CFAP20DC: variants seen among roughly 807,000 people sequenced by gnomAD.
CFAP20DC encodes the protein protein CFAP20DC.
Under a neutral mutation model 101.7 loss-of-function variants are expected in CFAP20DC, and 84 were observed. That is an observed-to-expected ratio of 0.83 (90% CI 0.69 to 0.99). CFAP20DC has a LOEUF of 0.99. CFAP20DC is among the 50% of genes least tolerant of loss of function. The pLI is 0.00. For missense variants in CFAP20DC, 1,007 were observed against 970.3 expected, an observed-to-expected ratio of 1.04 and a Z score of -0.50; for synonymous variants, 359 against 351.2, an observed-to-expected ratio of 1.02 and a Z score of -0.25.
intron 5 of CFAP20DC, 41 bp downstream of exon 5, chr3:58,937,602 GTTGAA>G: frequency 6.1e-6 from 7 of 1,148,520 alleles, no homozygotes; most frequent in Non-Finnish European, 9.3e-6. Context: ...AGTAATATTT[GTTGAA>G]TTGAATTTAA....
Position 58,788,409 on chromosome 3 carries a change from G to A in CFAP20DC, c.2237+17986C>T, listed in dbSNP as rs945809944. Among the ~76,000 whole-genome samples, 5 of 152,102 alleles carry A rather than the reference G, an allele frequency of 3.3e-5. No individual in the cohort carries two copies. The highest frequency in any genetic ancestry group is 2.1e-4 in the South Asian group (1 of 4,814). On this transcript the variant is annotated intron_variant, in intron 15 of 16. Coordinates refer to ENST00000482387, the MANE Select transcript of CFAP20DC (RefSeq NM_001394063.1). The surrounding 1 kb of genome is among the most constrained non-coding windows in gnomAD (Gnocchi z 4.2). ...TTTTTGAGCTTCTAATGTGGACAGC[G>A]CTGTATGAGAAGTAATGGGGAGCAA... is the stretch of plus-strand genomic sequence containing the variant.
intron 4 of CFAP20DC, among the ~76,000 whole-genome samples, chr3:58,941,017 T>C (rs1373138955): frequency 2.0e-5 from 3 of 152,176 alleles, no homozygotes; most frequent in South Asian, 2.1e-4. Flanking sequence ...TCTGACACAA[T>C]TGAAAATGAA....
intron 5 of CFAP20DC, among the ~76,000 whole-genome samples, chr3:58,933,490 C>A (rs1290989458): frequency 6.6e-6 from 1 of 152,228 alleles, no homozygotes; most frequent in Non-Finnish European, 1.5e-5. Flanking sequence ...CACCACACCA[C>A]ACCTATTCCA....
intron 16 of CFAP20DC, among the ~76,000 whole-genome samples, chr3:58,744,429 T>C (rs2068057223): frequency 6.6e-6 from 1 of 152,128 alleles, no homozygotes; most frequent in African/African-American, 2.4e-5. Context: ...AGCTATTACA[T>C]TGAAGGAATT....
chr3:58,883,932 T>A (rs1459896186), intron 7 of CFAP20DC, among the ~76,000 whole-genome samples: 1 of 152,204 alleles, frequency 6.6e-6, no homozygotes, highest in Non-Finnish European at 1.5e-5. Context: ...ACAGCTCTGG[T>A]GTCTATCACA....
At chr3:58,841,070 A>T (rs988169515) in intron 13 of CFAP20DC, among the ~76,000 whole-genome samples, 2 of 152,362 alleles carry the variant, frequency 1.3e-5, no homozygotes, top group African/African-American at 4.8e-5. Flanking sequence ...GACCTAGAGC[A>T]GCATGAGGCC....
chr3:59,021,548 G>A (rs1371099771), intron 4 of CFAP20DC, among the ~76,000 whole-genome samples: 1 of 152,034 alleles, frequency 6.6e-6, no homozygotes, highest in Non-Finnish European at 1.5e-5. Flanking sequence ...CTCTAAAATT[G>A]AAACCAGCTT....
At position 58,913,203 on chromosome 3, in the gene CFAP20DC, C is replaced by A. The variant is rs888927306; in HGVS notation, c.550+505G>T. ...AGAAATTATGGAACTTATAGCCCAGCATTATGATGTGACTTATGGAGTCTC... is the reference window on the plus strand; with the variant it reads ...AGAAATTATGGAACTTATAGCCCAGAATTATGATGTGACTTATGGAGTCTC... On this transcript the variant is annotated intron_variant, in intron 6 of 16. Transcript: ENST00000482387. This position sits in a 1 kb window ranked among gnomAD's most constrained non-coding sequence, Gnocchi z 4.4. 1.3e-5 allele frequency among the ~76,000 whole-genome samples: 2 copies of A among 152,150 alleles called. No individual in the cohort carries two copies. The highest frequency in any genetic ancestry group is 2.4e-5 in the African/African-American group (1 of 41,430).
At chr3:58,769,164 G>A (rs1001274338) in intron 15 of CFAP20DC, among the ~76,000 whole-genome samples, 4 of 152,182 alleles carry the variant, frequency 2.6e-5, no homozygotes, top group African/African-American at 9.6e-5. Context: ...GCCCGAGTTA[G>A]TCCTACAGGG....
At chr3:58,886,206 A>C (rs935693141) in intron 6 of CFAP20DC, among the ~76,000 whole-genome samples, 1 of 152,172 alleles carries the variant, frequency 6.6e-6, no homozygotes, top group Non-Finnish European at 1.5e-5. Context: ...TCAAGGATCT[A>C]TGCAAATAAG....
chr3:59,013,133 T>C (rs142214815), intron 4 of CFAP20DC, among the ~76,000 whole-genome samples: 7 of 152,168 alleles, frequency 4.6e-5, no homozygotes, highest in African/African-American at 1.7e-4. Context: ...GTCCCAGCCA[T>C]AGAATTCCAC....
chr3:59,045,114 C>T (rs1287183039), intron 3 of CFAP20DC, among the ~76,000 whole-genome samples: 3 of 151,090 alleles, frequency 2.0e-5, no homozygotes, highest in Admixed American at 1.3e-4. Context: ...CGGTCTCTTT[C>T]GTAGTTTAGA....
At chr3:58,807,124 T>C (rs2074145720) in intron 14 of CFAP20DC, among the ~76,000 whole-genome samples, 1 of 152,180 alleles carries the variant, frequency 6.6e-6, no homozygotes, top group Non-Finnish European at 1.5e-5. Flanking sequence ...CTCTGTAGGC[T>C]CCACCTCTGG....
At chr3:58,931,688 C>T (rs1422535465) in intron 5 of CFAP20DC, among the ~76,000 whole-genome samples, 25 of 149,666 alleles carry the variant, frequency 1.7e-4, no homozygotes. Context: ...CTCTAGCAAA[C>T]TCCAACGGAC....
At chr3:58,890,076 C>G (rs1306040629) in intron 6 of CFAP20DC, among the ~76,000 whole-genome samples, 2 of 151,106 alleles carry the variant, frequency 1.3e-5, no homozygotes, top group South Asian at 4.2e-4. Flanking sequence ...GGCACACCTC[C>G]CAGACGGGGT....
chr3:58,910,878 C>T (rs1489001019), intron 6 of CFAP20DC, among the ~76,000 whole-genome samples: 1 of 151,816 alleles, frequency 6.6e-6, no homozygotes, highest in Admixed American at 6.6e-5. Flanking sequence ...CCATCATTAA[C>T]TCAAAACTTA....
intron 4 of CFAP20DC, among the ~76,000 whole-genome samples, chr3:58,955,937 T>A (rs1027747881): frequency 1.3e-5 from 2 of 151,390 alleles, no homozygotes; most frequent in African/African-American, 4.8e-5. Flanking sequence ...AGACACACTC[T>A]GGGCCAGAAG....
Position 59,047,250 on chromosome 3 carries a change from C to T in CFAP20DC, c.26G>A (p.Gly9Asp). 2 of 1,529,150 alleles carry T rather than the reference C, an allele frequency of 1.3e-6. No homozygotes were observed. The highest frequency in any genetic ancestry group is 8.8e-7 in the Non-Finnish European group (1 of 1,140,718). The allele number at this position is 1,529,150 out of a possible 1,614,324, so 94.7% of individuals were successfully genotyped here. ...AGCACTGAAAATTTCAACAAATGCA[C>T]CTCCCTAGAAAATGAAAATAAAATA... MFKNEYQG[G>D]AFVEIFSAQG... The change falls in exon 2 of 17, where the codon GGT (glycine) becomes GAT (aspartate). Residue 9 changes from glycine to aspartate, a missense_variant. Transcript: ENST00000482387.
In CFAP20DC at chr3:58,773,222, T is replaced by C. The variant is rs545928365; in HGVS notation, c.2238-19359A>G. Among the ~76,000 whole-genome samples, 20 of 151,952 alleles carry C rather than the reference T, an allele frequency of 1.3e-4. No individual in the cohort carries two copies. The South Asian group carries it at 3.9e-3, about 30-fold the overall frequency. On this transcript the variant is annotated intron_variant, in intron 15 of 16. Coordinates refer to ENST00000482387, the MANE Select transcript of CFAP20DC (RefSeq NM_001394063.1). ...GTTTTCTTCCTCATACTAACTTGCA[T>C]GGTCTAAATTGATCCTAGCAGCTTT...
Sources: gnomAD v4.1 joint callset for allele counts (sites outside exome capture counted in the v4.1 genomes callset) on GRCh38, gnomAD v4.1.1 for gene constraint, Gnocchi (gnomAD v3.1) non-coding constraint, MANE v1.5 for transcripts, NCBI Gene and HGNC (gene_info 2026-07-23, HGNC 2026-07-21) for gene names.